DKK2: variants seen among roughly 807,000 people sequenced by gnomAD.
DKK2 encodes dickkopf Wnt signaling pathway inhibitor 2, also known as dickkopf-related protein 2.
DKK2 carries 11 observed loss-of-function variants against 28.1 expected under a neutral mutation model. The observed-to-expected ratio is 0.39, with a 90% confidence interval of 0.25 to 0.65. The LOEUF is 0.65. Among genes scored for constraint, DKK2 ranks in the 30% least tolerant of loss-of-function variants. DKK2 has a pLI of 0.47. For missense variants in DKK2, 326 were observed against 335.5 expected (o/e 0.97, Z 0.22); for synonymous variants, 135 against 126.5 (o/e 1.07, Z -0.45).
At chr4:107,008,345 A>G (rs1394344433) in intron 1 of DKK2, among the ~76,000 whole-genome samples, 3 of 152,116 alleles carry the variant, frequency 2.0e-5, no homozygotes, top group African/African-American at 7.2e-5. Context: ...GAGCAGTAAT[A>G]CTGACCAAAA....
intron 1 of DKK2, among the ~76,000 whole-genome samples, chr4:106,935,748 C>T (rs1440916529): frequency 6.6e-6 from 1 of 152,288 alleles, no homozygotes; most frequent in East Asian, 1.9e-4. Flanking sequence ...AGTGGTTCTC[C>T]CAGCACGCAG....
chr4:106,984,484 C>A (rs1723088222), intron 1 of DKK2, among the ~76,000 whole-genome samples: 1 of 152,190 alleles, frequency 6.6e-6, no homozygotes, highest in Non-Finnish European at 1.5e-5. Context: ...ATAATGTTGT[C>A]AAGGTTAGTC....
chr4:106,924,552 A>T lies in DKK2; in HGVS notation c.522T>A (p.His174Gln). The change falls in exon 3 of 4, where the codon CAT becomes CAA. Residue 174 changes from histidine to glutamine, a missense_variant. His to Gln is a conservative substitution (Grantham distance 24, BLOSUM62 0). Coordinates refer to ENST00000285311, the MANE Select transcript of DKK2 (RefSeq NM_014421.3). ...AACTACAGATATCCCTACCTTTTAT[A>T]TGTGACATCTTAGTGTGTGGTCTTC... is the stretch of plus-strand genomic sequence containing the variant. ...NLGRPHTKMS[H>Q]IKGHEGDPCL... The T allele has an allele frequency of 6.2e-7, 1 of 1,613,398 alleles. No individual in the cohort carries two copies. The highest frequency in any genetic ancestry group is 1.7e-4 in the Middle Eastern group (1 of 6,056).
At chr4:106,974,179 C>A (rs539337319) in intron 1 of DKK2, among the ~76,000 whole-genome samples, 1 of 152,054 alleles carries the variant, frequency 6.6e-6, no homozygotes, top group Non-Finnish European at 1.5e-5. Context: ...TAGCATGATG[C>A]CTCCAGTTTT....
chr4:106,938,394 C>A (rs200221297), intron 1 of DKK2, among the ~76,000 whole-genome samples: 2 of 152,014 alleles, frequency 1.3e-5, no homozygotes, highest in Non-Finnish European at 2.9e-5. Context: ...TCCTCGACAC[C>A]TACACTCTCC....
In DKK2 at chr4:107,036,205, C is replaced by G. The variant is rs1167891373; in HGVS notation, c.-614G>C. The G allele has an allele frequency of 6.6e-6, 1 of 152,642 alleles. No individual in the cohort carries two copies. Among genetic ancestry groups the G allele is most frequent in the Non-Finnish European group, 1.5e-5 (1 of 68,440 alleles). The allele number at this position is 152,642 out of a possible 1,614,324, so 9.5% of individuals were successfully genotyped here. A position where few individuals can be genotyped will look rare whatever the true frequency, so the allele number is the denominator to read the frequency against. ...ACGCGCACTCACAGTTGCCCCGAAG[C>G]GTTGTCCCCTGACTCACAAGAGACA... On this transcript the variant is annotated 5_prime_UTR_variant, in exon 1 of 4. Coordinates refer to ENST00000285311, the MANE Select transcript of DKK2 (RefSeq NM_014421.3).
intron 1 of DKK2, among the ~76,000 whole-genome samples, chr4:106,978,109 G>C (rs1172553927): frequency 6.6e-6 from 1 of 152,134 alleles, no homozygotes; most frequent in African/African-American, 2.4e-5. Flanking sequence ...CCTTCCTTTG[G>C]AAGCTTCATT....
intron 1 of DKK2, among the ~76,000 whole-genome samples, chr4:106,983,337 G>GAAGGAAGAAAGAAAGAAAGA (rs1553923099): frequency 4.4e-4 from 53 of 120,506 alleles, no homozygotes; most frequent in Non-Finnish European, 7.5e-4. Flanking sequence ...AGGAAGAAAG[G>GAAGGAAGAAAGAAAGAAAGA]AAGAAAGAAA....
chr4:107,006,336 G>A (rs1002637696), intron 1 of DKK2, among the ~76,000 whole-genome samples: 10 of 152,144 alleles, frequency 6.6e-5, no homozygotes, highest in Non-Finnish European at 1.2e-4. Flanking sequence ...AAGAATTTCA[G>A]CATCTCAATG....
chr4:106,993,692 A>C (rs1485261968), intron 1 of DKK2, among the ~76,000 whole-genome samples: 1 of 152,146 alleles, frequency 6.6e-6, no homozygotes, highest in Non-Finnish European at 1.5e-5. Context: ...TTAAACCTTT[A>C]CATAATGTCC....
chr4:106,934,168 G>T (rs1283078667), intron 1 of DKK2, among the ~76,000 whole-genome samples: 1 of 152,006 alleles, frequency 6.6e-6, no homozygotes, highest in African/African-American at 2.4e-5. Context: ...CAGGATTATT[G>T]AGACCAGACA....
At chr4:106,970,966 T>G (rs1722860764) in intron 1 of DKK2, among the ~76,000 whole-genome samples, 1 of 152,166 alleles carries the variant, frequency 6.6e-6, no homozygotes, top group Admixed American at 6.6e-5. Flanking sequence ...ATAACTGCTA[T>G]TGTTAAGTTT....
At chr4:106,952,920 T>A (rs1005717906) in intron 1 of DKK2, among the ~76,000 whole-genome samples, 1 of 152,182 alleles carries the variant, frequency 6.6e-6, no homozygotes. Flanking sequence ...TAATCTTTCA[T>A]CTTCCCCTCG....
intron 1 of DKK2, among the ~76,000 whole-genome samples, chr4:107,028,078 A>C (rs538455635): frequency 6.6e-6 from 1 of 152,256 alleles, no homozygotes; most frequent in African/African-American, 2.4e-5. Context: ...CATCTGAGGT[A>C]CCATTGTTTC....
At chr4:106,928,969 A>T (rs1022974402) in intron 1 of DKK2, among the ~76,000 whole-genome samples, 3 of 152,158 alleles carry the variant, frequency 2.0e-5, no homozygotes, top group Non-Finnish European at 1.5e-5. Context: ...GACCCTGAAG[A>T]AGCGATGACT....
chr4:107,022,471 A>G (rs954649289), intron 1 of DKK2, among the ~76,000 whole-genome samples: 2 of 152,134 alleles, frequency 1.3e-5, no homozygotes, highest in Admixed American at 1.3e-4. Context: ...GGTTAAGTAT[A>G]CAGACTTAAG....
chr4:106,976,562 C>T (rs1258653672), intron 1 of DKK2, among the ~76,000 whole-genome samples: 1 of 152,026 alleles, frequency 6.6e-6, no homozygotes, highest in Admixed American at 6.6e-5. Context: ...GGATTGCAAC[C>T]TCTGCTTTTT....
Position 106,924,005 on chromosome 4 carries a change from T to C in DKK2, c.729A>G (p.Lys243=). Reference sequence around the variant, plus strand: ...TGGCTTTGGAGGAGTAGGTGGCATCTTTCCATACTTTGCAAGACAGGCCCT... The same window carrying C: ...TGGCTTTGGAGGAGTAGGTGGCATCCTTCCATACTTTGCAAGACAGGCCCT... ...CAKGLSCKVW[K]DATYSSKARL... The change falls in exon 4 of 4, where the codon AAA becomes AAG. Residue 243 remains lysine, a synonymous_variant. Transcript: ENST00000285311. 1 of 1,614,024 alleles carries C rather than the reference T, an allele frequency of 6.2e-7. No individual in the cohort carries two copies. Among genetic ancestry groups the C allele is most frequent in the Non-Finnish European group, 8.5e-7 (1 of 1,179,918 alleles).
At chr4:106,996,954 C>A (rs1443006736) in intron 1 of DKK2, among the ~76,000 whole-genome samples, 1 of 152,088 alleles carries the variant, frequency 6.6e-6, no homozygotes, top group East Asian at 1.9e-4. Flanking sequence ...CATGTAACCC[C>A]CGAACCTAAA....
Sources: gnomAD v4.1 joint callset for allele counts (sites outside exome capture counted in the v4.1 genomes callset) on GRCh38, gnomAD v4.1.1 for gene constraint, MANE v1.5 for transcripts, NCBI Gene and HGNC (gene_info 2026-07-23, HGNC 2026-07-21) for gene names.